The following ZNF283 variants were observed in gnomAD, a reference collection of about 807,000 sequenced individuals.
ZNF283 encodes the protein zinc finger protein 283.
In ZNF283, 10 loss-of-function variants were observed where a neutral mutation model predicts 9.2. The ratio of observed to expected loss-of-function variants is 1.09; its 90% CI spans 0.67 to 1.85. The LOEUF (loss-of-function observed/expected upper bound fraction) is 1.85. Ranked by LOEUF, ZNF283 falls within the 40% of genes most tolerant of loss-of-function variation. ZNF283 has a pLI of 0.00. For synonymous variants in ZNF283, 234 were observed against 244.1 expected (o/e 0.96, Z 0.38); for missense variants, 631 against 760.1 (o/e 0.83, Z 2.00).
rs1414927466 is a variant in ZNF283 at position 43,848,149 on chromosome 19, A to G, written c.1548A>G (p.Glu516=). The part of the protein sequence containing the change: ...QVFHTGEKPY[E]CKECGKAFNC... ...TTCACACTGGTGAGAAACCCTATGA[A>G]TGTAAGGAATGTGGGAAGGCTTTTA... The change falls in exon 7 of 7, where the codon GAA becomes GAG. Residue 516 remains glutamate (E), a synonymous_variant. Coordinates refer to ENST00000618787, the MANE Select transcript of ZNF283 (RefSeq NM_181845.2). 1.2e-5 allele frequency: 20 copies of G among 1,613,894 alleles called. No individual in the cohort carries two copies. Among genetic ancestry groups the G allele is most frequent in the Non-Finnish European group, 1.6e-5 (19 of 1,179,940 alleles).
rs368640688 is a variant in ZNF283 at position 43,833,029 on chromosome 19, G to GAA, written c.1-456_1-455dup. Among the ~76,000 whole-genome samples, 104 of 76,396 alleles carry GAA rather than the reference G, an allele frequency of 1.4e-3. 2 individuals are homozygous for GAA. Among genetic ancestry groups the GAA allele is most frequent in the Middle Eastern group, 6.9e-3 (1 of 144 alleles). 50.1% of individuals were successfully genotyped at this position (76,396 alleles called of 152,430 possible). On this transcript the variant is annotated intron_variant, in intron 3 of 6. Coordinates refer to ENST00000618787, the MANE Select transcript of ZNF283 (RefSeq NM_181845.2). ...GGCAACAGAGCAAGACCCTGTCTCT[G>GAA]AAAAAAAAAAAAAAAAAAAAAGACA...
rs925299484 is a variant in ZNF283 at position 43,851,068 on chromosome 19, A to T, written c.*2427A>T. 1.3e-5 allele frequency: 2 copies of T among 152,194 alleles called. No homozygotes were observed. Among genetic ancestry groups the T allele is most frequent in the East Asian group, 3.9e-4 (2 of 5,190 alleles). The allele number at this position is 152,194 out of a possible 1,614,324, so 9.4% of individuals were successfully genotyped here. Reference sequence around the variant, plus strand: ...CACCATCTAGTGATCATCATTCTACATGATTGCACTTTTTCAAAGGCATAA... The same window carrying T: ...CACCATCTAGTGATCATCATTCTACTTGATTGCACTTTTTCAAAGGCATAA... On this transcript the variant is annotated 3_prime_UTR_variant, in exon 7 of 7. Transcript: ENST00000618787.
At position 43,848,718 on chromosome 19, in the gene ZNF283, C is replaced by A; in HGVS notation, c.*77C>A. 7.1e-7 allele frequency: 1 copy of A among 1,400,574 alleles called. No homozygotes were observed. The highest frequency in any genetic ancestry group is 9.5e-7 in the Non-Finnish European group (1 of 1,051,612). The allele number at this position is 1,400,574 out of a possible 1,614,324, so 86.8% of individuals were successfully genotyped here. On this transcript the variant is annotated 3_prime_UTR_variant, in exon 7 of 7. Coordinates refer to ENST00000618787, the MANE Select transcript of ZNF283 (RefSeq NM_181845.2). Reference sequence around the variant, plus strand: ...ATAAGAACTCTTACTCTTGAGAAACCTTGTGAATGTAAGGGTTGTGCAAAA... The same window carrying A: ...ATAAGAACTCTTACTCTTGAGAAACATTGTGAATGTAAGGGTTGTGCAAAA...
Position 43,851,821 on chromosome 19 carries a change from C to CAAT in ZNF283, c.*3180_*3181insAAT, listed in dbSNP as rs1568430382. The CAAT allele has an allele frequency of 6.6e-6, 1 of 152,188 alleles. No homozygotes were observed. Among genetic ancestry groups the CAAT allele is most frequent in the African/African-American group, 2.4e-5 (1 of 41,438 alleles). 9.4% of individuals were successfully genotyped at this position (152,188 alleles called of 1,614,324 possible). On this transcript the variant is annotated 3_prime_UTR_variant, in exon 7 of 7. Coordinates refer to ENST00000618787, the MANE Select transcript of ZNF283 (RefSeq NM_181845.2). The stretch of plus-strand genomic sequence containing the variant: ...AAACTTCACTGTTGAAATACTTATT[C>CAAT]CCATGACCTATTATCTTTGTAGGTG...
In ZNF283 at chr19:43,848,185, A is replaced by G; in HGVS notation, c.1584A>G (p.Ser528=). The change falls in exon 7 of 7, where the codon TCA becomes TCG. Residue 528 remains serine (S), a synonymous_variant. Coordinates refer to ENST00000618787, the MANE Select transcript of ZNF283 (RefSeq NM_181845.2). The part of the protein sequence containing the change: ...KECGKAFNCG[S]SLVQHERIHT... Reference sequence around the variant, plus strand: ...GTGGGAAGGCTTTTAATTGTGGATCAAGCCTTGTTCAACATGAAAGAATCC... The same window carrying G: ...GTGGGAAGGCTTTTAATTGTGGATCGAGCCTTGTTCAACATGAAAGAATCC... The G allele has an allele frequency of 6.2e-7, 1 of 1,613,622 alleles. No homozygotes were observed. The highest frequency in any genetic ancestry group is 1.1e-5 in the South Asian group (1 of 91,052).
At position 43,828,454 on chromosome 19, in the gene ZNF283, C is replaced by T. The variant is rs554050176; in HGVS notation, c.-65+173C>T. Among the ~76,000 whole-genome samples, 69 of 152,254 alleles carry T rather than the reference C, an allele frequency of 4.5e-4. 1 individual carries two copies. Among genetic ancestry groups the T allele is most frequent in the African/African-American group, 1.6e-3 (67 of 41,540 alleles). On this transcript the variant is annotated intron_variant, in intron 2 of 6. Transcript: ENST00000618787. ...CCCAGTGGCCCCCTATTGTTCTTCT[C>T]CACAATTCTTACCCACCTGTTCATA...
intron 2 of ZNF283, among the ~76,000 whole-genome samples, chr19:43,830,759 C>T (rs1409348360): frequency 1.3e-5 from 2 of 151,676 alleles, no homozygotes; most frequent in African/African-American, 4.8e-5. Context: ...AAAAATTAGC[C>T]GGGCGTGGTG....
At position 43,849,843 on chromosome 19, in the gene ZNF283, T is replaced by G. The variant is rs1222672266; in HGVS notation, c.*1202T>G. 6.6e-6 allele frequency: 1 copy of G among 152,246 alleles called. No homozygotes were observed. Among genetic ancestry groups the G allele is most frequent in the East Asian group, 1.9e-4 (1 of 5,194 alleles). The allele number at this position is 152,246 out of a possible 1,614,324, so 9.4% of individuals were successfully genotyped here. On this transcript the variant is annotated 3_prime_UTR_variant, in exon 7 of 7. Coordinates refer to ENST00000618787, the MANE Select transcript of ZNF283 (RefSeq NM_181845.2). Reference sequence around the variant, plus strand: ...GGAAGAGTATCTGGTATGTAGCCTATGCTTAATACATATTAGCTATTGTTC... The same window carrying G: ...GGAAGAGTATCTGGTATGTAGCCTAGGCTTAATACATATTAGCTATTGTTC...
intron 2 of ZNF283, among the ~76,000 whole-genome samples, chr19:43,829,344 C>T (rs923782638): frequency 2.0e-5 from 3 of 152,126 alleles, no homozygotes; most frequent in Non-Finnish European, 4.4e-5. Context: ...AAGATTGCAC[C>T]ACTGCACTCC....
At chr19:43,843,138 C>T (rs768785523) in intron 6 of ZNF283, among the ~76,000 whole-genome samples, 6 of 152,118 alleles carry the variant, frequency 3.9e-5, no homozygotes, top group South Asian at 2.1e-4. Flanking sequence ...GTTAAGAGAT[C>T]GAGACCATCC....
intron 2 of ZNF283, among the ~76,000 whole-genome samples, chr19:43,829,310 G>A (rs1261074622): frequency 6.6e-6 from 1 of 152,060 alleles, no homozygotes; most frequent in Non-Finnish European, 1.5e-5. Flanking sequence ...GCGTGAACCC[G>A]GGCGGTGGAG....
Position 43,851,569 on chromosome 19 carries a change from AGCCGGGCGTGGT to A in ZNF283, c.*2930_*2941del. On this transcript the variant is annotated 3_prime_UTR_variant, in exon 7 of 7. Transcript: ENST00000618787. ...GTCTCTACTAAAAATAGAAAAAATT[AGCCGGGCGTGGT>A]GGCGGGCGCCTGTGGTCCCAGCTAC... 6.6e-6 allele frequency: 1 copy of A among 152,172 alleles called. No individual in the cohort carries two copies. Among genetic ancestry groups the A allele is most frequent in the Non-Finnish European group, 1.5e-5 (1 of 68,126 alleles). 9.4% of individuals were successfully genotyped at this position (152,172 alleles called of 1,614,324 possible).
chr19:43,833,484 C>CTT (rs55882936), intron 3 of ZNF283, 21 bp from the exon 4 acceptor site: 44,647 of 137,420 alleles, frequency 0.32, 10,100 homozygotes, highest in Non-Finnish European at 0.39. Flanking sequence ...TTACCTATTT[C>CTT]TTTTTTTTTT....
Position 43,833,485 on chromosome 19 carries a change from T to TTC in ZNF283, c.1-19_1-18insCT. On this transcript the variant is annotated intron_variant, in intron 3 of 6. Transcript: ENST00000618787. ...TGTTTCTTTCTTCTTTACCTATTTC[T>TTC]TTTTTTTTTTTTTTTTCAGATGGAG... 2.9e-5 allele frequency: 2 copies of TTC among 69,142 alleles called. No individual in the cohort carries two copies. Among genetic ancestry groups the TTC allele is most frequent in the Non-Finnish European group, 5.8e-5 (2 of 34,378 alleles). 4.3% of individuals were successfully genotyped at this position (69,142 alleles called of 1,614,324 possible). A position where few individuals can be genotyped will look rare whatever the true frequency, so the allele number is the denominator to read the frequency against.
intron 6 of ZNF283, among the ~76,000 whole-genome samples, chr19:43,842,333 C>G (rs1971244531): frequency 6.6e-6 from 1 of 151,976 alleles, no homozygotes; most frequent in Non-Finnish European, 1.5e-5. Context: ...TTTTGTGGGT[C>G]TGCTTTTATT....
chr19:43,839,020 G>A (rs1971093367), intron 6 of ZNF283, among the ~76,000 whole-genome samples: 1 of 152,164 alleles, frequency 6.6e-6, no homozygotes, highest in African/African-American at 2.4e-5. Flanking sequence ...TACTCATGTA[G>A]TTACCTTTAC....
chr19:43,846,968 A>AAAAT lies in ZNF283; in HGVS notation c.369_372dup (p.Phe125AsnfsTer6). On this transcript the variant is annotated frameshift_variant, in exon 7 of 7. Transcript: ENST00000618787. LOFTEE classifies it low-confidence loss of function (END_TRUNC). ...GGAGTCAAAAACGTATGAGACCAAA[A>AAAAT]AAATATTTTCAGAAAATGATATTTT... The AAAAT allele has an allele frequency of 1.9e-6, 3 of 1,584,056 alleles. No individual in the cohort carries two copies. Among genetic ancestry groups the AAAAT allele is most frequent in the Non-Finnish European group, 2.6e-6 (3 of 1,165,322 alleles).
chr19:43,847,575 G>A lies in ZNF283; in HGVS notation c.974G>A (p.Gly325Glu), dbSNP rs1260312867. 6.2e-7 allele frequency: 1 copy of A among 1,608,408 alleles called. No individual in the cohort carries two copies. Residue 325 changes from glycine (G) to glutamate (E), a missense_variant, in exon 7 of 7, where the codon GGG (glycine) becomes GAG (glutamate). Coordinates refer to ENST00000618787, the MANE Select transcript of ZNF283 (RefSeq NM_181845.2). The part of the protein sequence containing the change: ...GVKSYKCKEC[G>E]KAFFWGSSLA... ...AAATCTTATAAATGTAAGGAATGTG[G>A]GAAGGCCTTTTTTTGGGGCTCAAGC...
chr19:43,848,499 G>A lies in ZNF283; in HGVS notation c.1898G>A (p.Gly633Glu). ...AAGCTTTATCAACGTAAGGAATTCG[G>A]GAAGACCTTTACTTGTGGCTCAAAA... ...GEKLYQRKEFGKTFTCGSKLV... is the reference protein window; with the variant it reads ...GEKLYQRKEFEKTFTCGSKLV... The change falls in exon 7 of 7, where the codon GGG becomes GAG. Residue 633 changes from glycine (G) to glutamate (E), a missense_variant. Physicochemically the swap from Gly to Glu is moderately conservative, Grantham distance 98. This residue lies in a region of ZNF283 where 444 missense variants were observed against 522.5 expected (regional missense o/e 0.85). Coordinates refer to ENST00000618787, the MANE Select transcript of ZNF283 (RefSeq NM_181845.2). The A allele has an allele frequency of 6.2e-7, 1 of 1,613,468 alleles. No individual in the cohort carries two copies. The highest frequency in any genetic ancestry group is 8.5e-7 in the Non-Finnish European group (1 of 1,179,552).
Sources: allele counts gnomAD v4.1 joint callset (sites outside exome capture counted in the v4.1 genomes callset), GRCh38; gene constraint gnomAD v4.1.1; regional missense constraint gnomAD v4.1.1; transcripts MANE v1.5; gene names NCBI Gene and HGNC (gene_info 2026-07-23, HGNC 2026-07-21).